The following NPFFR2 variants were observed in gnomAD, a reference collection of about 807,000 sequenced individuals.
NPFFR2 encodes the protein G-protein coupled receptor 74.
NPFFR2 carries 15 observed loss-of-function variants against 13.1 expected under a neutral mutation model. That is an observed-to-expected ratio of 1.15 (90% CI 0.77 to 1.76). The LOEUF (loss-of-function observed/expected upper bound fraction) is 1.76. NPFFR2 is among the 40% of genes most tolerant of loss of function. NPFFR2 has a pLI of 0.00. For missense variants in NPFFR2, 572 were observed against 503.5 expected, an observed-to-expected ratio of 1.14 and a Z score of -1.30; for synonymous variants, 190 against 175.7, an observed-to-expected ratio of 1.08 and a Z score of -0.65.
Position 72,138,081 on chromosome 4 carries a change from GTCCAGGGAA to G in NPFFR2, c.372_380del (p.Gln125_Ile127del). The stretch of plus-strand genomic sequence containing the variant: ...CACGATGTGCAAGATCAGTGGATTG[GTCCAGGGAA>G]TATCTGTCGCAGCTTCAGTCTTTAC... On this transcript the variant is annotated inframe_deletion, in exon 3 of 4. Coordinates refer to ENST00000308744, the MANE Select transcript of NPFFR2 (RefSeq NM_004885.3). 2 of 1,613,728 alleles carry G rather than the reference GTCCAGGGAA, an allele frequency of 1.2e-6. 1 individual carries two copies. The highest frequency in any genetic ancestry group is 2.2e-5 in the South Asian group (2 of 91,068).
chr4:72,141,777 C>T (rs1722635088), intron 3 of NPFFR2, among the ~76,000 whole-genome samples: 1 of 152,012 alleles, frequency 6.6e-6, no homozygotes, highest in South Asian at 2.1e-4. Flanking sequence ...CTATTAGGTC[C>T]ACTTGTTGCG....
chr4:72,061,322 A>G (rs1380598477), intron 1 of NPFFR2, among the ~76,000 whole-genome samples: 1 of 152,162 alleles, frequency 6.6e-6, no homozygotes, highest in Non-Finnish European at 1.5e-5. Flanking sequence ...CTAACCCAGA[A>G]CTAAAGAAGT....
Position 72,147,961 on chromosome 4 carries a change from C to G in NPFFR2, c.*149C>G. On this transcript the variant is annotated 3_prime_UTR_variant, in exon 4 of 4. Transcript: ENST00000308744. The stretch of plus-strand genomic sequence containing the variant: ...CTCTGGCAAAAAAATTAAAAATAAA[C>G]AAAAATGGTCATAAGATCATAAACA... 1 of 577,324 alleles carries G rather than the reference C, an allele frequency of 1.7e-6. No homozygotes were observed. Among genetic ancestry groups the G allele is most frequent in the South Asian group, 2.7e-5 (1 of 36,724 alleles). The allele number at this position is 577,324 out of a possible 1,614,324, so 35.8% of individuals were successfully genotyped here. A position where few individuals can be genotyped will look rare whatever the true frequency, so the allele number is the denominator to read the frequency against.
At chr4:72,076,539 T>C (rs767788415) in intron 1 of NPFFR2, among the ~76,000 whole-genome samples, 4 of 152,130 alleles carry the variant, frequency 2.6e-5, no homozygotes, top group Non-Finnish European at 5.9e-5. Context: ...AAATAAGCCA[T>C]TGTTTTGACC....
chr4:72,087,526 T>C (rs1415305920), intron 1 of NPFFR2, among the ~76,000 whole-genome samples: 1 of 147,428 alleles, frequency 6.8e-6, no homozygotes, highest in African/African-American at 2.5e-5. Context: ...TTGCTAAGAA[T>C]CTAAGCATTA....
At chr4:72,144,492 CT>C (rs549916776) in intron 3 of NPFFR2, among the ~76,000 whole-genome samples, 52 of 151,234 alleles carry the variant, frequency 3.4e-4, no homozygotes, top group Non-Finnish European at 6.6e-4. Context: ...CACTCAAATG[CT>C]TTTTTTTTCA....
At chr4:72,082,163 C>A (rs1360246065) in intron 1 of NPFFR2, among the ~76,000 whole-genome samples, 52 of 152,180 alleles carry the variant, frequency 3.4e-4, no homozygotes, top group Non-Finnish European at 1.5e-5. Flanking sequence ...ATTCCCATCA[C>A]AACTTCAAAA....
At chr4:72,144,722 T>C (rs1196524693) in intron 3 of NPFFR2, among the ~76,000 whole-genome samples, 1 of 152,164 alleles carries the variant, frequency 6.6e-6, no homozygotes, top group Non-Finnish European at 1.5e-5. Context: ...CAGCTGTTTT[T>C]TTCATGCTCC....
intron 1 of NPFFR2, among the ~76,000 whole-genome samples, chr4:72,034,904 C>T (rs7654531): frequency 0.33 from 50,560 of 152,082 alleles, 8,854 homozygotes; most frequent in East Asian, 0.67. Context: ...CCTTGCTTTG[C>T]GGAGTTTTCA....
intron 1 of NPFFR2, among the ~76,000 whole-genome samples, chr4:72,119,508 G>A (rs971716102): frequency 3.4e-5 from 4 of 119,400 alleles, no homozygotes; most frequent in Non-Finnish European, 5.6e-5. Flanking sequence ...AATAGAAACA[G>A]CTCTGGTCTG....
rs968851655 is a variant in NPFFR2 at position 72,138,231 on chromosome 4, T to C, written c.428+92T>C. On this transcript the variant is annotated intron_variant, in intron 3 of 3. Transcript: ENST00000308744. ...ATATAACCTACTAAATTTGGACATATCTTTTCAAATTGTATTCACAATATC... is the reference window on the plus strand; with the variant it reads ...ATATAACCTACTAAATTTGGACATACCTTTTCAAATTGTATTCACAATATC... The C allele has an allele frequency of 2.3e-5, 18 of 769,686 alleles. No individual in the cohort carries two copies. The African/African-American group carries it at 3.0e-4, about 13-fold the overall frequency. The allele number at this position is 769,686 out of a possible 1,614,324, so 47.7% of individuals were successfully genotyped here.
At chr4:72,036,546 AGTATATATAAT>A (rs1719043008) in intron 1 of NPFFR2, among the ~76,000 whole-genome samples, 1 of 143,136 alleles carries the variant, frequency 7.0e-6, no homozygotes. Flanking sequence ...TTAAATATAT[AGTATATATAAT>A]GTATATATAC....
intron 1 of NPFFR2, among the ~76,000 whole-genome samples, chr4:72,075,173 G>A (rs1227628322): frequency 6.6e-6 from 1 of 152,062 alleles, no homozygotes; most frequent in African/African-American, 2.4e-5. Context: ...AAAGCAGGTA[G>A]AAAAACATGA....
At chr4:72,127,162 G>C (rs1003349640) in intron 1 of NPFFR2, among the ~76,000 whole-genome samples, 1 of 150,432 alleles carries the variant, frequency 6.6e-6, no homozygotes, top group Non-Finnish European at 1.5e-5. Context: ...AAATTCGCTG[G>C]GCGTGGTGGC....
chr4:72,145,613 C>T (rs762010532), intron 3 of NPFFR2, among the ~76,000 whole-genome samples: 8 of 151,996 alleles, frequency 5.3e-5, no homozygotes, highest in Non-Finnish European at 7.4e-5. Context: ...TGGAAGAACG[C>T]TTGAAGTTGA....
In NPFFR2 at chr4:72,138,076, G is replaced by C. The variant is rs778887815; in HGVS notation, c.365G>C (p.Gly122Ala). ...PFGNTMCKIS[G>A]LVQGISVAAS... ...GGAAACACGATGTGCAAGATCAGTG[G>C]ATTGGTCCAGGGAATATCTGTCGCA... Residue 122 changes from glycine (G) to alanine (A), a missense_variant, in exon 3 of 4, where the codon GGA (glycine) becomes GCA (alanine). Physicochemically the swap from Gly to Ala is moderately conservative, Grantham distance 60. Coordinates refer to ENST00000308744, the MANE Select transcript of NPFFR2 (RefSeq NM_004885.3). 2.0e-5 allele frequency: 33 copies of C among 1,613,622 alleles called. No individual in the cohort carries two copies. Among genetic ancestry groups the C allele is most frequent in the Non-Finnish European group, 2.6e-5 (31 of 1,179,786 alleles).
chr4:72,147,814 A>C lies in NPFFR2; in HGVS notation c.*2A>C. 1.9e-6 allele frequency: 3 copies of C among 1,548,110 alleles called. No individual in the cohort carries two copies. The highest frequency in any genetic ancestry group is 2.6e-6 in the Non-Finnish European group (3 of 1,151,670). ...ACTACTAACAGCAGTGAGATTTAAA[A>C]AGAGCTAGTGTGATAATCCTAACTC... On this transcript the variant is annotated 3_prime_UTR_variant, in exon 4 of 4. Coordinates refer to ENST00000308744, the MANE Select transcript of NPFFR2 (RefSeq NM_004885.3).
intron 1 of NPFFR2, among the ~76,000 whole-genome samples, chr4:72,111,581 AT>A (rs1323949827): frequency 6.6e-6 from 1 of 151,986 alleles, no homozygotes; most frequent in Non-Finnish European, 1.5e-5. Flanking sequence ...TATTCCCTTA[AT>A]CAGGGCAATA....
intron 2 of NPFFR2, among the ~76,000 whole-genome samples, chr4:72,137,809 C>T (rs1722464545): frequency 2.0e-5 from 3 of 152,132 alleles, no homozygotes; most frequent in African/African-American, 7.2e-5. Context: ...ACAGAGACCA[C>T]TTATAGTGCC....
Sources: gnomAD v4.1 joint callset for allele counts (sites outside exome capture counted in the v4.1 genomes callset) on GRCh38, gnomAD v4.1.1 for gene constraint, MANE v1.5 for transcripts, NCBI Gene and HGNC (gene_info 2026-07-23, HGNC 2026-07-21) for gene names.